Variants in EDC3 observed in about 807,000 individuals in gnomAD.
The protein encoded by EDC3 is enhancer of mRNA-decapping protein 3.
In EDC3, 20 loss-of-function variants were observed where a neutral mutation model predicts 41.8. That is an observed-to-expected ratio of 0.48 (90% CI 0.34 to 0.70). The LOEUF (loss-of-function observed/expected upper bound fraction) is 0.70, where lower values mean the gene tolerates loss of function less well. EDC3 is among the 30% of genes least tolerant of loss of function. The probability of loss-of-function intolerance (pLI) is 0.01; values close to 1 mark genes in which losing one functional copy is unlikely to be tolerated. For synonymous variants in EDC3, 206 were observed against 243.2 expected (o/e 0.85, Z 1.42); for missense variants, 444 against 636.8 (o/e 0.70, Z 3.26).
chr15:74,690,434 A>G (rs1053306945), intron 1 of EDC3, among the ~76,000 whole-genome samples: 18 of 152,204 alleles, frequency 1.2e-4, no homozygotes, highest in African/African-American at 4.1e-4. Flanking sequence ...ACAAATAAAC[A>G]AGTTGCCAAT....
At chr15:74,635,334 C>T (rs1299149725) in intron 6 of EDC3, 75 bp downstream of exon 6, 2 of 1,441,630 alleles carry the variant, frequency 1.4e-6, no homozygotes, top group Non-Finnish European at 2.0e-6. Context: ...CCTGTCGCCA[C>T]TGGGTGGCAT....
chr15:74,662,960 A>G (rs1412134617), intron 3 of EDC3, among the ~76,000 whole-genome samples: 1 of 152,232 alleles, frequency 6.6e-6, no homozygotes, highest in Non-Finnish European at 1.5e-5. Flanking sequence ...TGACACTGGT[A>G]GAAGGCCAGT....
At chr15:74,675,834 T>A (rs1185481232) in intron 1 of EDC3, among the ~76,000 whole-genome samples, 2 of 145,096 alleles carry the variant, frequency 1.4e-5, no homozygotes, top group African/African-American at 5.1e-5. Flanking sequence ...TGAGCCGAGA[T>A]CACACCACTG....
At chr15:74,659,495 T>C (rs2062596093) in intron 3 of EDC3, among the ~76,000 whole-genome samples, 1 of 148,036 alleles carries the variant, frequency 6.8e-6, no homozygotes, top group Non-Finnish European at 1.5e-5. Flanking sequence ...GAAATATATA[T>C]ATATATATAT....
At chr15:74,633,586 C>G (rs779774899) in intron 6 of EDC3, among the ~76,000 whole-genome samples, 1 of 152,210 alleles carries the variant, frequency 6.6e-6, no homozygotes, top group African/African-American at 2.4e-5. Context: ...CTGCTCTAAC[C>G]AGGCTTCTGG....
At chr15:74,634,190 A>C (rs1264035222) in intron 6 of EDC3, among the ~76,000 whole-genome samples, 1 of 152,110 alleles carries the variant, frequency 6.6e-6, no homozygotes, top group Non-Finnish European at 1.5e-5. Flanking sequence ...CCAGTGGTCG[A>C]TTCTGTCTTC....
chr15:74,665,798 CTTTTT>C (rs916623879), intron 3 of EDC3, among the ~76,000 whole-genome samples: 1 of 137,284 alleles, frequency 7.3e-6, no homozygotes, highest in Non-Finnish European at 1.6e-5. Flanking sequence ...TCTTTCTTTC[CTTTTT>C]TTTTTTTTTT....
At chr15:74,636,100 C>G (rs1177840846) in intron 5 of EDC3, 1 of 170,748 alleles carries the variant, frequency 5.9e-6, no homozygotes, top group Non-Finnish European at 1.3e-5. Context: ...TCTTGGAGAT[C>G]CAGTTCAAGA....
At chr15:74,663,818 C>T (rs555096118) in intron 3 of EDC3, among the ~76,000 whole-genome samples, 2 of 152,068 alleles carry the variant, frequency 1.3e-5, no homozygotes, top group South Asian at 2.1e-4. Flanking sequence ...CTGTAAAGTT[C>T]GTTCACAGCA....
chr15:74,630,701 G>A lies in EDC3; in HGVS notation c.*1911C>T, dbSNP rs1490671771. ...GCCCCTGAAAAGAACTGAAGACAGA[G>A]GAATCATACTTCTCTTTAATACCTC... On this transcript the variant is annotated 3_prime_UTR_variant, in exon 7 of 7. Coordinates refer to ENST00000315127, the MANE Select transcript of EDC3 (RefSeq NM_025083.5). 1 of 152,280 alleles carries A rather than the reference G, an allele frequency of 6.6e-6. No homozygotes were observed. Among genetic ancestry groups the A allele is most frequent in the Non-Finnish European group, 1.5e-5 (1 of 68,094 alleles). The allele number at this position is 152,280 out of a possible 1,614,324, so 9.4% of individuals were successfully genotyped here.
intron 3 of EDC3, among the ~76,000 whole-genome samples, chr15:74,662,573 C>A (rs185696348): frequency 6.6e-6 from 1 of 151,908 alleles, no homozygotes; most frequent in African/African-American, 2.4e-5. Context: ...ACTGAAAAGG[C>A]CAGGAAGATA....
At chr15:74,678,442 AT>A (rs1220664226) in intron 1 of EDC3, among the ~76,000 whole-genome samples, 2 of 152,212 alleles carry the variant, frequency 1.3e-5, no homozygotes, top group Non-Finnish European at 1.5e-5. Flanking sequence ...TGATTATGTA[AT>A]TTAAAACCTT....
intron 1 of EDC3, among the ~76,000 whole-genome samples, chr15:74,690,319 A>G (rs2141686846): frequency 6.6e-6 from 1 of 152,386 alleles, no homozygotes; most frequent in Admixed American, 6.5e-5. Flanking sequence ...AAGTAATGGG[A>G]CTTTATCATT....
intron 4 of EDC3, among the ~76,000 whole-genome samples, chr15:74,647,360 C>T (rs2062430413): frequency 6.6e-6 from 1 of 152,092 alleles, no homozygotes; most frequent in Admixed American, 6.5e-5. Context: ...GGCAAGAGGG[C>T]ACATATTAGC....
chr15:74,668,280 G>A lies in EDC3; in HGVS notation c.484+3175C>T, dbSNP rs1319051771. Among the ~76,000 whole-genome samples, 3 of 152,208 alleles carry A rather than the reference G, an allele frequency of 2.0e-5. 1 individual carries two copies. Among genetic ancestry groups the A allele is most frequent in the South Asian group, 4.1e-4 (2 of 4,824 alleles). ...ACAGGATCCTGAAACAAGGGCATCC[G>A]GGTAAAAACTAAGGCAATCTGAATA... On this transcript the variant is annotated intron_variant, in intron 3 of 6. Transcript: ENST00000315127.
At chr15:74,687,433 G>A (rs1418241802) in intron 1 of EDC3, among the ~76,000 whole-genome samples, 1 of 152,182 alleles carries the variant, frequency 6.6e-6, no homozygotes, top group East Asian at 1.9e-4. Context: ...GAGTGCAGTG[G>A]CGCAATCTTG....
chr15:74,692,394 C>G (rs1208609445), intron 1 of EDC3, among the ~76,000 whole-genome samples: 1 of 151,910 alleles, frequency 6.6e-6, no homozygotes, highest in Non-Finnish European at 1.5e-5. Context: ...AGAGAAAAAC[C>G]CAGGCCCATA....
At chr15:74,689,746 G>C (rs189508912) in intron 1 of EDC3, among the ~76,000 whole-genome samples, 4 of 151,766 alleles carry the variant, frequency 2.6e-5, no homozygotes, top group African/African-American at 9.7e-5. Flanking sequence ...GGATGGTCTC[G>C]ATCTCCTGAC....
intron 1 of EDC3, among the ~76,000 whole-genome samples, chr15:74,684,872 A>C (rs1173644790): frequency 6.6e-6 from 1 of 151,896 alleles, no homozygotes; most frequent in African/African-American, 2.4e-5. Context: ...GCACTTTAGG[A>C]GGCCAAGGCT....
Sources: allele counts gnomAD v4.1 joint callset (sites outside exome capture counted in the v4.1 genomes callset), GRCh38; gene constraint gnomAD v4.1.1; transcripts MANE v1.5; gene names NCBI Gene and HGNC (gene_info 2026-07-23, HGNC 2026-07-21).